Variants in COL11A1 observed in about 807,000 individuals in gnomAD.
The protein encoded by COL11A1 is collagen type XI alpha 1 chain, also known as collagen alpha-1(XI) chain.
COL11A1 carries 74 observed loss-of-function variants against 265.2 expected under a neutral mutation model. The observed-to-expected ratio is 0.28, with a 90% CI of 0.23 to 0.34. The LOEUF (loss-of-function observed/expected upper bound fraction) is 0.34. COL11A1 is among the 10% of genes least tolerant of loss of function. The pLI is 1.00. For synonymous variants in COL11A1, 816 were observed against 727.6 expected, an observed-to-expected ratio of 1.12 and a Z score of -1.96; for missense variants, 2,165 against 2,263.6, an observed-to-expected ratio of 0.96 and a Z score of 0.88.
chr1:102,999,397 T>C (rs550407778), intron 24 of COL11A1, among the ~76,000 whole-genome samples: 2 of 152,056 alleles, frequency 1.3e-5, no homozygotes, highest in South Asian at 4.1e-4. Flanking sequence ...GTCTTCAAAG[T>C]TCCTCCCTTT....
chr1:102,939,160 G>C, intron 43 of COL11A1, 72 bp from the exon 44 acceptor site: 1 of 1,329,764 alleles, frequency 7.5e-7, no homozygotes, highest in Admixed American at 1.7e-5. Flanking sequence ...TCATCAAACA[G>C]TTAAATTTTA....
chr1:103,105,133 C>A (rs1406122973), intron 1 of COL11A1, among the ~76,000 whole-genome samples: 3 of 151,886 alleles, frequency 2.0e-5, no homozygotes, highest in African/African-American at 7.2e-5. Context: ...TACTTAAAAC[C>A]CTTACATAAA....
intron 28 of COL11A1, among the ~76,000 whole-genome samples, chr1:102,990,211 A>G (rs1464428007): frequency 1.3e-5 from 2 of 152,084 alleles, no homozygotes; most frequent in Admixed American, 6.6e-5. Flanking sequence ...GAACAACAAC[A>G]ACAAAAGGAA....
At position 102,879,819 on chromosome 1, in the gene COL11A1, T is replaced by C. The variant is rs1650001198; in HGVS notation, c.5138A>G (p.His1713Arg). 3 of 1,613,932 alleles carry C rather than the reference T, an allele frequency of 1.9e-6. No individual in the cohort carries two copies. The highest frequency in any genetic ancestry group is 1.3e-5 in the African/African-American group (1 of 75,022). Residue 1713 changes from histidine (H) to arginine (R), a missense_variant, in exon 66 of 67, where the codon CAC becomes CGC. Coordinates refer to ENST00000370096, the MANE Select transcript of COL11A1 (RefSeq NM_001854.4). ...ATACCAGGCTGCTGACTGATGACAGTGGTAGGTGAAATTTTGCCGAGCAGA... is the reference window on the plus strand; with the variant it reads ...ATACCAGGCTGCTGACTGATGACAGCGGTAGGTGAAATTTTGCCGAGCAGA... ...TASARQNFTY[H>R]CHQSAAWYDV...
chr1:103,060,641 G>A (rs924894269), intron 4 of COL11A1, among the ~76,000 whole-genome samples: 1 of 152,092 alleles, frequency 6.6e-6, no homozygotes, highest in African/African-American at 2.4e-5. Context: ...TTATTTAAAA[G>A]TTGACTTGGA....
chr1:102,910,702 C>A (rs1434713016), intron 54 of COL11A1, among the ~76,000 whole-genome samples: 1 of 151,500 alleles, frequency 6.6e-6, no homozygotes, highest in African/African-American at 2.4e-5. Flanking sequence ...CATGATTTAT[C>A]TTATGTTCAA....
intron 54 of COL11A1, among the ~76,000 whole-genome samples, chr1:102,909,931 C>T (rs1412794016): frequency 6.6e-6 from 1 of 151,710 alleles, no homozygotes; most frequent in Admixed American, 6.6e-5. Context: ...AAATTTGCTG[C>T]ATTATATTAT....
At chr1:103,016,260 CATAG>C (rs3056924) in intron 11 of COL11A1, among the ~76,000 whole-genome samples, 16,268 of 151,732 alleles carry the variant, frequency 0.11, 1,058 homozygotes, top group Non-Finnish European at 0.14. Context: ...TACTTTTTAA[CATAG>C]ATAATGACTA....
chr1:102,956,851 A>G (rs1013696689), intron 41 of COL11A1, among the ~76,000 whole-genome samples: 4 of 151,818 alleles, frequency 2.6e-5, no homozygotes, highest in African/African-American at 4.8e-5. Flanking sequence ...AAGTGAAAAG[A>G]ATTCTAAGTT....
intron 54 of COL11A1, among the ~76,000 whole-genome samples, chr1:102,902,404 G>A (rs192260347): frequency 4.1e-4 from 63 of 152,162 alleles, no homozygotes; most frequent in African/African-American, 1.4e-3. Context: ...TGGATAAACA[G>A]ACATTTTTGA....
chr1:103,086,082 TTTATG>T (rs1231259800), intron 1 of COL11A1, among the ~76,000 whole-genome samples: 2 of 152,006 alleles, frequency 1.3e-5, no homozygotes, highest in Non-Finnish European at 2.9e-5. Flanking sequence ...ATATAATATG[TTTATG>T]TTATTTGGGC....
chr1:103,006,341 C>A (rs1665611197), intron 15 of COL11A1, 26 bp from the exon 16 acceptor site: 3 of 1,586,026 alleles, frequency 1.9e-6, no homozygotes, highest in Non-Finnish European at 2.6e-6. Context: ...ATAATTAAAC[C>A]ATATTATAGA....
chr1:103,043,664 T>A (rs1669015701), intron 4 of COL11A1, among the ~76,000 whole-genome samples: 1 of 152,270 alleles, frequency 6.6e-6, no homozygotes, highest in African/African-American at 2.4e-5. Flanking sequence ...AGATTTAAGC[T>A]GTTTATAAAC....
rs745961028 is a variant in COL11A1, at chr1:102,912,224, G to A, written c.4033-12C>T. The A allele has an allele frequency of 5.6e-5, 90 of 1,600,484 alleles. No individual in the cohort carries two copies. Among genetic ancestry groups the A allele is most frequent in the Non-Finnish European group, 7.1e-5 (83 of 1,174,566 alleles). On this transcript the variant is annotated splice_polypyrimidine_tract_variant and intron_variant, in intron 53 of 66. Transcript: ENST00000370096. Reference sequence around the variant, plus strand: ...GGGCCAGGAGGACCCTATAAAATGTGAAAAAATACCTTTAACAAAATTGGA... The same window carrying A: ...GGGCCAGGAGGACCCTATAAAATGTAAAAAAATACCTTTAACAAAATTGGA...
intron 1 of COL11A1, among the ~76,000 whole-genome samples, chr1:103,090,799 A>C (rs1673257213): frequency 6.6e-6 from 1 of 152,132 alleles, no homozygotes; most frequent in Non-Finnish European, 1.5e-5. Flanking sequence ...CTAGAGCTAT[A>C]ATTAAATTGA....
chr1:102,975,656 T>G (rs1048770720), intron 35 of COL11A1, among the ~76,000 whole-genome samples: 1 of 152,160 alleles, frequency 6.6e-6, no homozygotes, highest in Non-Finnish European at 1.5e-5. Flanking sequence ...TGGTAAGAGA[T>G]AATCCTCTAT....
chr1:102,906,222 T>C (rs1653963286), intron 54 of COL11A1, among the ~76,000 whole-genome samples: 1 of 152,128 alleles, frequency 6.6e-6, no homozygotes, highest in Admixed American at 6.6e-5. Flanking sequence ...ATGAGAAAAC[T>C]GAGACTCAAA....
At chr1:103,043,214 AATAT>A (rs199761653) in intron 4 of COL11A1, among the ~76,000 whole-genome samples, 5 of 127,914 alleles carry the variant, frequency 3.9e-5, no homozygotes, top group East Asian at 2.3e-4. Context: ...ATATATATGA[AATAT>A]ATATATAATG....
intron 65 of COL11A1, 135 bp from the exon 66 acceptor site, chr1:102,880,051 G>GA: frequency 6.1e-6 from 4 of 653,334 alleles, no homozygotes; most frequent in East Asian, 2.7e-5. Flanking sequence ...TTAACCTAAT[G>GA]AAAAAAAGTG....
Sources: allele counts gnomAD v4.1 joint callset (sites outside exome capture counted in the v4.1 genomes callset), GRCh38; gene constraint gnomAD v4.1.1; transcripts MANE v1.5; gene names NCBI Gene and HGNC (gene_info 2026-07-23, HGNC 2026-07-21).